CADM2: variants seen among roughly 807,000 people sequenced by gnomAD.
CADM2 encodes immunoglobulin superfamily member 4D.
A neutral mutation model predicts 49.8 loss-of-function variants in CADM2; 12 were observed. That is an observed-to-expected ratio of 0.24 (90% confidence interval 0.15 to 0.39). The LOEUF (loss-of-function observed/expected upper bound fraction) is 0.39, where lower values mean the gene tolerates loss of function less well. Among genes scored for constraint, CADM2 ranks in the 10% least tolerant of loss-of-function variants. The pLI is 1.00. For missense variants in CADM2, 378 were observed against 492.3 expected (o/e 0.77, Z 2.20); for synonymous variants, 214 against 175.4 (o/e 1.22, Z -1.74).
intron 5 of CADM2, among the ~76,000 whole-genome samples, chr3:85,907,171 G>T (rs1173786593): frequency 6.6e-6 from 1 of 152,184 alleles, no homozygotes; most frequent in Non-Finnish European, 1.5e-5. Flanking sequence ...ATGAGGTCAT[G>T]AATCTAGCTC....
intron 1 of CADM2, among the ~76,000 whole-genome samples, chr3:85,679,892 A>C (rs2107654298): frequency 6.6e-6 from 1 of 152,302 alleles, no homozygotes; most frequent in South Asian, 2.1e-4. Flanking sequence ...TCAATTGTTT[A>C]AAGAGTAGGG....
chr3:84,971,871 G>A (rs182911943), intron 1 of CADM2, among the ~76,000 whole-genome samples: 11 of 152,126 alleles, frequency 7.2e-5, no homozygotes, highest in Non-Finnish European at 1.3e-4. Context: ...TACCATGATG[G>A]AGTATAGAGG....
chr3:85,239,973 A>G (rs1385900557), intron 1 of CADM2, among the ~76,000 whole-genome samples: 1 of 151,476 alleles, frequency 6.6e-6, no homozygotes, highest in Non-Finnish European at 1.5e-5. Context: ...TAAAGAATAT[A>G]TTCCAGGGAA....
At chr3:85,446,606 T>G (rs1237459200) in intron 1 of CADM2, among the ~76,000 whole-genome samples, 2 of 147,102 alleles carry the variant, frequency 1.4e-5, no homozygotes, top group African/African-American at 2.5e-5. Flanking sequence ...TGTTTTTTGT[T>G]TTTTTTTTTT....
intron 6 of CADM2, among the ~76,000 whole-genome samples, chr3:85,927,337 A>G (rs1017074599): frequency 2.0e-5 from 3 of 152,200 alleles, no homozygotes; most frequent in African/African-American, 7.2e-5. Context: ...CTCTGCTTTG[A>G]TAAGCATGCA....
intron 1 of CADM2, among the ~76,000 whole-genome samples, chr3:85,427,368 C>A (rs1030959338): frequency 6.6e-6 from 1 of 151,662 alleles, no homozygotes; most frequent in Non-Finnish European, 1.5e-5. Flanking sequence ...AGAAGATATG[C>A]CCACCATTCT....
intron 2 of CADM2, among the ~76,000 whole-genome samples, chr3:85,745,039 T>C (rs1175589154): frequency 1.3e-5 from 2 of 152,046 alleles, no homozygotes; most frequent in Non-Finnish European, 2.9e-5. Context: ...TGAGAAGAAA[T>C]TGCATTTAAT....
At chr3:85,104,695 A>G (rs555526488) in intron 1 of CADM2, among the ~76,000 whole-genome samples, 1 of 152,130 alleles carries the variant, frequency 6.6e-6, no homozygotes, top group African/African-American at 2.4e-5. Context: ...ATTCTTCCTA[A>G]CCATGAGCAT....
At chr3:85,869,729 G>A (rs1180721943) in intron 3 of CADM2, among the ~76,000 whole-genome samples, 1 of 152,076 alleles carries the variant, frequency 6.6e-6, no homozygotes, top group Non-Finnish European at 1.5e-5. Context: ...CGCGATCTCG[G>A]CTCACGGCAA....
chr3:85,076,643 G>A (rs1041667863), intron 1 of CADM2, among the ~76,000 whole-genome samples: 3 of 150,504 alleles, frequency 2.0e-5, no homozygotes, highest in African/African-American at 4.9e-5. Flanking sequence ...CACCACACCC[G>A]GCCATATTGT....
chr3:86,018,552 T>A (rs1283694257), intron 8 of CADM2, among the ~76,000 whole-genome samples: 3 of 152,210 alleles, frequency 2.0e-5, no homozygotes, highest in Non-Finnish European at 4.4e-5. Flanking sequence ...GTTTCCTGAC[T>A]TTTTAATGAT....
At chr3:85,331,446 A>G (rs2044921966) in intron 1 of CADM2, among the ~76,000 whole-genome samples, 3 of 151,796 alleles carry the variant, frequency 2.0e-5, no homozygotes, top group Admixed American at 2.0e-4. Context: ...AAGCATTTAT[A>G]GTGTGTTGGT....
chr3:85,064,287 G>T (rs952765136), intron 1 of CADM2, among the ~76,000 whole-genome samples: 3 of 152,036 alleles, frequency 2.0e-5, no homozygotes, highest in Non-Finnish European at 2.9e-5. Context: ...ACCCTTTAAA[G>T]AGGAATATTG....
intron 1 of CADM2, among the ~76,000 whole-genome samples, chr3:85,585,521 C>T (rs527972122): frequency 2.4e-4 from 36 of 151,594 alleles, no homozygotes; most frequent in Non-Finnish European, 4.7e-4. Flanking sequence ...TGTTTCATCT[C>T]GAATTCTTTA....
At chr3:85,040,733 T>A (rs1376812790) in intron 1 of CADM2, among the ~76,000 whole-genome samples, 1 of 152,196 alleles carries the variant, frequency 6.6e-6, no homozygotes, top group African/African-American at 2.4e-5. Context: ...AATGCATATT[T>A]TAATTCTTTC....
At chr3:85,355,300 G>A (rs1427352131) in intron 1 of CADM2, among the ~76,000 whole-genome samples, 1 of 151,990 alleles carries the variant, frequency 6.6e-6, no homozygotes, top group East Asian at 1.9e-4. Context: ...TTACTCCTTC[G>A]GAAATAATTT....
chr3:85,762,594 C>CCT (rs758842388), intron 2 of CADM2, among the ~76,000 whole-genome samples: 237 of 50,408 alleles, frequency 4.7e-3, no homozygotes, highest in Middle Eastern at 0.019. Flanking sequence ...CTGCACTACT[C>CCT]CTCTCTCTCT....
At chr3:85,571,894 T>C (rs1479356178) in intron 1 of CADM2, among the ~76,000 whole-genome samples, 2 of 152,206 alleles carry the variant, frequency 1.3e-5, no homozygotes, top group African/African-American at 4.8e-5. Context: ...AGAAGTTTAG[T>C]CATGGTATAC....
chr3:85,356,102 G>C (rs1448986396), intron 1 of CADM2, among the ~76,000 whole-genome samples: 1 of 152,074 alleles, frequency 6.6e-6, no homozygotes, highest in Non-Finnish European at 1.5e-5. Context: ...AATTAGAACA[G>C]ATACTATGCC....
Sources: allele counts gnomAD v4.1 joint callset (sites outside exome capture counted in the v4.1 genomes callset), GRCh38; gene constraint gnomAD v4.1.1; transcripts MANE v1.5; gene names NCBI Gene and HGNC (gene_info 2026-07-23, HGNC 2026-07-21).